The following NRP1 variants were observed in gnomAD, a reference collection of about 807,000 sequenced individuals.
The protein encoded by NRP1 is neuropilin 1.
Under a neutral mutation model 106.7 loss-of-function variants are expected in NRP1, and 35 were observed. The ratio of observed to expected loss-of-function variants is 0.33; its 90% CI spans 0.25 to 0.43. The LOEUF (loss-of-function observed/expected upper bound fraction) is 0.43, where lower values mean the gene tolerates loss of function less well. NRP1 is among the 20% of genes least tolerant of loss of function. The pLI is 1.00. For synonymous variants in NRP1, 437 were observed against 417.9 expected (o/e 1.05, Z -0.56); for missense variants, 1,024 against 1,170.4 (o/e 0.87, Z 1.83).
chr10:33,270,962 A>T (rs553621798), intron 2 of NRP1, 106 bp from the exon 3 acceptor site: 2 of 998,546 alleles, frequency 2.0e-6, no homozygotes, highest in African/African-American at 3.3e-5. Flanking sequence ...AGGAAGAAAA[A>T]AAAGTTCTAT....
At chr10:33,203,212 C>T (rs935168848) in intron 10 of NRP1, among the ~76,000 whole-genome samples, 3 of 152,154 alleles carry the variant, frequency 2.0e-5, no homozygotes, top group Admixed American at 6.5e-5. Flanking sequence ...TCGTATCTGC[C>T]GAGTAGAGTT....
rs1015021561 is a variant in NRP1, at chr10:33,180,183, A to G, written c.2665T>C (p.Ser889Pro). The G allele has an allele frequency of 1.1e-5, 18 of 1,614,056 alleles. No individual in the cohort carries two copies. Among genetic ancestry groups the G allele is most frequent in the Non-Finnish European group, 1.5e-5 (18 of 1,180,014 alleles). ...LYCACWHNGM[S>P]ERNLSALENY... ...TCCAGGGCAGACAAGTTTCTTTCTG[A>G]CATCCCATTATGCCAACAGGCACAG... Residue 889 changes from serine (S) to proline (P), a missense_variant, in exon 17 of 17, where the codon TCA becomes CCA. Transcript: ENST00000374867.
At chr10:33,249,744 A>T (rs1841711453) in intron 6 of NRP1, among the ~76,000 whole-genome samples, 1 of 152,206 alleles carries the variant, frequency 6.6e-6, no homozygotes, top group Non-Finnish European at 1.5e-5. Flanking sequence ...CTTTTTGAGC[A>T]GGATATGGCT....
intron 6 of NRP1, among the ~76,000 whole-genome samples, chr10:33,251,809 C>T (rs1003615023): frequency 1.3e-5 from 2 of 152,100 alleles, no homozygotes; most frequent in Admixed American, 6.5e-5. Flanking sequence ...TTAGTGAGAG[C>T]TCCCCACATT....
intron 2 of NRP1, among the ~76,000 whole-genome samples, chr10:33,309,078 T>C (rs1470331304): frequency 1.3e-5 from 2 of 152,194 alleles, no homozygotes; most frequent in Non-Finnish European, 2.9e-5. Flanking sequence ...TTTTCTAAAA[T>C]ATTATTTTTA....
At chr10:33,189,484 A>C (rs1436082147) in intron 13 of NRP1, among the ~76,000 whole-genome samples, 2 of 152,240 alleles carry the variant, frequency 1.3e-5, no homozygotes, top group Non-Finnish European at 2.9e-5. Context: ...GTTGCTTCCC[A>C]ACCATGATCA....
At chr10:33,270,999 G>T in intron 2 of NRP1, 143 bp from the exon 3 acceptor site, 1 of 601,188 alleles carries the variant, frequency 1.7e-6, no homozygotes, top group Non-Finnish European at 2.7e-6. Flanking sequence ...ATTAAATGGA[G>T]GGAAAAAAAA....
In NRP1 at chr10:33,282,978, T is replaced by G. The variant is rs192392873; in HGVS notation, c.249-12122A>C. 9.7e-4 allele frequency among the ~76,000 whole-genome samples: 148 copies of G among 152,210 alleles called. 1 individual carries two copies. Among genetic ancestry groups the G allele is most frequent in the African/African-American group, 3.0e-3 (126 of 41,536 alleles). On this transcript the variant is annotated intron_variant, in intron 2 of 16. Coordinates refer to ENST00000374867, the MANE Select transcript of NRP1 (RefSeq NM_003873.7). The stretch of plus-strand genomic sequence containing the variant: ...CCAGGCTGATCTTGAACTCCTGACC[T>G]CATGATCCACCTGTCTCAGCCTCCC...
chr10:33,208,505 T>A (rs1020186512), intron 9 of NRP1, among the ~76,000 whole-genome samples: 7 of 152,200 alleles, frequency 4.6e-5, no homozygotes, highest in African/African-American at 1.7e-4. Context: ...TCTGAGAAGA[T>A]GGAGCAATGA....
At chr10:33,322,864 G>A (rs545222956) in intron 2 of NRP1, among the ~76,000 whole-genome samples, 1 of 152,250 alleles carries the variant, frequency 6.6e-6, no homozygotes, top group African/African-American at 2.4e-5. Context: ...AAAATAAGCT[G>A]GTAACGTTTC....
At chr10:33,235,694 C>A (rs1441463533) in intron 6 of NRP1, among the ~76,000 whole-genome samples, 1 of 152,208 alleles carries the variant, frequency 6.6e-6, no homozygotes, top group Non-Finnish European at 1.5e-5. Context: ...CACCAGGACA[C>A]ACTACATTCT....
chr10:33,241,787 C>T (rs1051431032), intron 6 of NRP1, among the ~76,000 whole-genome samples: 13 of 151,984 alleles, frequency 8.6e-5, no homozygotes, highest in African/African-American at 2.4e-4. Flanking sequence ...AATCCTCTCA[C>T]GTTGCCATTA....
At chr10:33,232,638 C>CTTT (rs71030049) in intron 6 of NRP1, among the ~76,000 whole-genome samples, 453 of 94,170 alleles carry the variant, frequency 4.8e-3, no homozygotes, top group East Asian at 0.015. Flanking sequence ...TTTTCTTTTC[C>CTTT]TTTTTTTTTT....
rs1842738672 is a variant in NRP1 at position 33,263,788 on chromosome 10, T to C, written c.516A>G (p.Glu172=). 1 of 1,613,870 alleles carries C rather than the reference T, an allele frequency of 6.2e-7. No individual in the cohort carries two copies. The highest frequency in any genetic ancestry group is 1.7e-5 in the Admixed American group (1 of 60,026). ...TTGGCACAAAGACAATATAAGTGCA[T>C]TCAAGGCTGTTGGGATATTTTTCAG... ...GFPEKYPNSL[E]CTYIVFVPKM... is the part of the protein sequence containing the mutation. The change falls in exon 4 of 17, where the codon GAA becomes GAG. Residue 172 remains glutamate, a synonymous_variant. Coordinates refer to ENST00000374867, the MANE Select transcript of NRP1 (RefSeq NM_003873.7).
chr10:33,204,405 A>G (rs2474716), intron 10 of NRP1, among the ~76,000 whole-genome samples: 151,536 of 152,362 alleles, frequency 0.99, 75,359 homozygotes, highest in East Asian at 1. Flanking sequence ...AGACTTTTTT[A>G]CAAAACACAT....
chr10:33,301,327 G>A (rs1202524047), intron 2 of NRP1, among the ~76,000 whole-genome samples: 1 of 152,126 alleles, frequency 6.6e-6, no homozygotes, highest in East Asian at 1.9e-4. Context: ...CTTTGGAGTG[G>A]AATTTTCATA....
At chr10:33,284,929 C>G (rs757103167) in intron 2 of NRP1, among the ~76,000 whole-genome samples, 1 of 151,900 alleles carries the variant, frequency 6.6e-6, no homozygotes, top group Non-Finnish European at 1.5e-5. Context: ...TGCACAAGCA[C>G]AGATCAGAAG....
intron 2 of NRP1, among the ~76,000 whole-genome samples, chr10:33,274,925 G>A (rs1463666675): frequency 6.6e-6 from 1 of 152,180 alleles, no homozygotes; most frequent in Non-Finnish European, 1.5e-5. Flanking sequence ...TTTTGCACGA[G>A]CATTAATAGC....
chr10:33,197,702 G>A lies in NRP1; in HGVS notation c.1872C>T (p.Thr624=), dbSNP rs780880989. The A allele has an allele frequency of 2.5e-5, 40 of 1,592,980 alleles. No homozygotes were observed. Among genetic ancestry groups the A allele is most frequent in the Non-Finnish European group, 3.3e-5 (39 of 1,167,968 alleles). ...TGDDFQLTGG[T]TVLATEKPTV... is the part of the protein sequence containing the mutation. The stretch of plus-strand genomic sequence containing the variant: ...TGGGCTTTTCTGTGGCCAGCACAGT[G>A]GTGCCACCTGAAAAACAAAAACAGG... The change falls in exon 12 of 17, where the codon ACC becomes ACT. Residue 624 remains threonine (T), a synonymous_variant. Transcript: ENST00000374867.
Sources: gnomAD v4.1 joint callset for allele counts (sites outside exome capture counted in the v4.1 genomes callset) on GRCh38, gnomAD v4.1.1 for gene constraint, MANE v1.5 for transcripts, NCBI Gene and HGNC (gene_info 2026-07-23, HGNC 2026-07-21) for gene names.